CACNA2D1: variants seen among roughly 807,000 people sequenced by gnomAD.
The protein encoded by CACNA2D1 is voltage-dependent calcium channel subunit alpha-2/delta-1.
In CACNA2D1, 53 loss-of-function variants were observed where a neutral mutation model predicts 171.5. That is an observed-to-expected ratio of 0.31 (90% CI 0.25 to 0.39). The LOEUF is 0.39. Ranked by LOEUF, CACNA2D1 falls within the 10% of genes least tolerant of loss-of-function variation. CACNA2D1 has a pLI of 1.00. For missense variants in CACNA2D1, 903 were observed against 1,299.8 expected (o/e 0.69, Z 4.69); for synonymous variants, 442 against 443.1 (o/e 1.00, Z 0.03).
chr7:82,065,696 T>A (rs954211779), intron 8 of CACNA2D1, among the ~76,000 whole-genome samples: 2 of 152,100 alleles, frequency 1.3e-5, no homozygotes, highest in African/African-American at 4.8e-5. Flanking sequence ...CGTCCAATAA[T>A]AAGGGATTTC....
chr7:82,300,456 TA>T (rs1812857767), intron 3 of CACNA2D1, among the ~76,000 whole-genome samples: 2 of 152,076 alleles, frequency 1.3e-5, no homozygotes, highest in African/African-American at 4.8e-5. Flanking sequence ...GTTGTCCACA[TA>T]AAACAAAAGT....
At position 82,171,604 on chromosome 7, in the gene CACNA2D1, T is replaced by C. The variant is rs760459580; in HGVS notation, c.295-995A>G. On this transcript the variant is annotated intron_variant, in intron 3 of 38. Coordinates refer to ENST00000356860, the MANE Select transcript of CACNA2D1 (RefSeq NM_000722.4). ...ATGAGTTACAAAGTGCTTAGAACAG[T>C]GCCTGGCACAAACTAAACAATATAT... Among the ~76,000 whole-genome samples the C allele has an allele frequency of 2.1e-4, 32 of 152,080 alleles. 1 individual carries two copies. Among genetic ancestry groups the C allele is most frequent in the Non-Finnish European group, 4.7e-4 (32 of 67,992 alleles).
chr7:82,408,560 C>T (rs561586257), intron 1 of CACNA2D1, among the ~76,000 whole-genome samples: 1 of 152,226 alleles, frequency 6.6e-6, no homozygotes, highest in African/African-American at 2.4e-5. Context: ...AATAAAGATA[C>T]ACTTAGCACA....
At chr7:82,171,764 A>T (rs1220230339) in intron 3 of CACNA2D1, among the ~76,000 whole-genome samples, 1 of 152,152 alleles carries the variant, frequency 6.6e-6, no homozygotes, top group Non-Finnish European at 1.5e-5. Flanking sequence ...AGCAAACAGA[A>T]AAGTAAATAT....
chr7:82,410,371 T>C (rs1301058876), intron 1 of CACNA2D1: 3 of 281,242 alleles, frequency 1.1e-5, no homozygotes, highest in South Asian at 1.4e-4. Context: ...ATCATAGCGG[T>C]TTACCTAATC....
chr7:82,039,562 C>A (rs1383659608), intron 10 of CACNA2D1, among the ~76,000 whole-genome samples: 1 of 152,108 alleles, frequency 6.6e-6, no homozygotes, highest in African/African-American at 2.4e-5. Flanking sequence ...AAAAACTCAT[C>A]CTGCATTGCC....
chr7:82,058,327 C>T (rs1806194290), intron 10 of CACNA2D1, among the ~76,000 whole-genome samples: 1 of 152,108 alleles, frequency 6.6e-6, no homozygotes, highest in South Asian at 2.1e-4. Flanking sequence ...CAGAATAAGA[C>T]ATTCACCACA....
At chr7:82,011,701 A>T (rs1054051212) in intron 15 of CACNA2D1, among the ~76,000 whole-genome samples, 18 of 152,232 alleles carry the variant, frequency 1.2e-4, no homozygotes, top group Non-Finnish European at 2.4e-4. Context: ...AATCGCATGT[A>T]CTCCTGAGTT....
chr7:82,094,406 T>C (rs897902881), intron 6 of CACNA2D1, among the ~76,000 whole-genome samples: 4 of 152,182 alleles, frequency 2.6e-5, no homozygotes, highest in Admixed American at 2.0e-4. Context: ...TATACATGTA[T>C]GCATACATAC....
At chr7:82,025,478 A>G (rs1801770245) in intron 12 of CACNA2D1, among the ~76,000 whole-genome samples, 1 of 151,670 alleles carries the variant, frequency 6.6e-6, no homozygotes, top group Non-Finnish European at 1.5e-5. Context: ...TAGAAACACA[A>G]CTGATTTTTC....
intron 1 of CACNA2D1, among the ~76,000 whole-genome samples, chr7:82,406,170 C>G (rs1458777243): frequency 1.3e-5 from 2 of 151,994 alleles, no homozygotes; most frequent in Non-Finnish European, 2.9e-5. Flanking sequence ...ATAGTTTGCT[C>G]AGAATGATGG....
rs202046885 is a variant in CACNA2D1, at chr7:82,186,255, A to AAAGGAAGGAAGGAAGG, written c.295-15662_295-15647dup. On this transcript the variant is annotated intron_variant, in intron 3 of 38. Coordinates refer to ENST00000356860, the MANE Select transcript of CACNA2D1 (RefSeq NM_000722.4). ...AGAAGGAAGGAAGGAAGGAAGGAAG[A>AAAGGAAGGAAGGAAGG]AAGGAAGGAAGGAAGGAAGGAAGGA... 6.4e-3 allele frequency among the ~76,000 whole-genome samples: 717 copies of AAAGGAAGGAAGGAAGG among 111,424 alleles called. 12 individuals are homozygous for AAAGGAAGGAAGGAAGG. Among genetic ancestry groups the AAAGGAAGGAAGGAAGG allele is most frequent in the African/African-American group, 0.021 (605 of 28,280 alleles). 73.1% of individuals were successfully genotyped at this position (111,424 alleles called of 152,430 possible).
chr7:81,955,444 T>A (rs984190358), intron 38 of CACNA2D1, among the ~76,000 whole-genome samples: 2 of 152,204 alleles, frequency 1.3e-5, no homozygotes, highest in Non-Finnish European at 2.9e-5. Flanking sequence ...AATACTTCCT[T>A]TGATATCATT....
At chr7:82,176,875 G>T (rs565390931) in intron 3 of CACNA2D1, among the ~76,000 whole-genome samples, 4 of 151,914 alleles carry the variant, frequency 2.6e-5, no homozygotes, top group African/African-American at 7.2e-5. Context: ...ATATCATGTG[G>T]TGTTTTACAG....
In CACNA2D1 at chr7:82,304,188, T is replaced by A. The variant is rs1363507858; in HGVS notation, c.294+30947A>T. Among the ~76,000 whole-genome samples the A allele has an allele frequency of 5.3e-5, 8 of 152,050 alleles. No individual in the cohort carries two copies. The East Asian group carries it at 1.4e-3, about 26-fold the overall frequency. ...AAGGACTATTAATAAAAGGACAAAATGTAATAGATGCTGTGAGAATGTAGA... is the reference window on the plus strand; with the variant it reads ...AAGGACTATTAATAAAAGGACAAAAAGTAATAGATGCTGTGAGAATGTAGA... On this transcript the variant is annotated intron_variant, in intron 3 of 38. Coordinates refer to ENST00000356860, the MANE Select transcript of CACNA2D1 (RefSeq NM_000722.4).
chr7:82,012,285 G>C (rs530023557), intron 14 of CACNA2D1, 42 bp from the exon 15 acceptor site: 3 of 1,021,472 alleles, frequency 2.9e-6, no homozygotes, highest in African/African-American at 1.6e-5. Context: ...TTAAAACTAG[G>C]AATGCTGTGT....
chr7:81,959,372 T>A lies in CACNA2D1; in HGVS notation c.3077-15A>T, dbSNP rs1793821086. 2 of 1,554,484 alleles carry A rather than the reference T, an allele frequency of 1.3e-6. No homozygotes were observed. Among genetic ancestry groups the A allele is most frequent in the African/African-American group, 1.4e-5 (1 of 73,920 alleles). ...TGGACCGTCAGCTAAAAGAGACTTG[T>A]TAAGGAATCTCATGTTAGTTTTTTT... On this transcript the variant is annotated splice_polypyrimidine_tract_variant and intron_variant, in intron 37 of 38. Coordinates refer to ENST00000356860, the MANE Select transcript of CACNA2D1 (RefSeq NM_000722.4).
chr7:82,279,428 CT>C (rs1216903280), intron 3 of CACNA2D1, among the ~76,000 whole-genome samples: 1 of 152,172 alleles, frequency 6.6e-6, no homozygotes, highest in Non-Finnish European at 1.5e-5. Flanking sequence ...AAGAGGCCAT[CT>C]ATAGAATCTG....
chr7:82,147,757 T>C (rs936818980), intron 4 of CACNA2D1, among the ~76,000 whole-genome samples: 1 of 152,150 alleles, frequency 6.6e-6, no homozygotes, highest in Non-Finnish European at 1.5e-5. Context: ...AATATGAGGA[T>C]TAACACTATG....
Sources: gnomAD v4.1 joint callset for allele counts (sites outside exome capture counted in the v4.1 genomes callset) on GRCh38, gnomAD v4.1.1 for gene constraint, MANE v1.5 for transcripts, NCBI Gene and HGNC (gene_info 2026-07-23, HGNC 2026-07-21) for gene names.